CNTNAP4: variants seen among roughly 807,000 people sequenced by gnomAD.
CNTNAP4 encodes contactin associated protein family member 4, also known as contactin-associated protein-like 4.
In CNTNAP4, 98 loss-of-function variants were observed where a neutral mutation model predicts 148.4. The ratio of observed to expected loss-of-function variants is 0.66; its 90% CI spans 0.56 to 0.78. The LOEUF (loss-of-function observed/expected upper bound fraction) is 0.78, where lower values mean the gene tolerates loss of function less well. CNTNAP4 is among the 30% of genes least tolerant of loss of function. The pLI, the probability that CNTNAP4 is intolerant of heterozygous loss-of-function variation, is 0.00. For missense variants in CNTNAP4, 1,935 were observed against 1,565.6 expected (o/e 1.24, Z -3.98); for synonymous variants, 730 against 565.1 (o/e 1.29, Z -4.14).
intron 2 of CNTNAP4, among the ~76,000 whole-genome samples, chr16:76,344,973 T>C (rs1388876706): frequency 6.6e-6 from 1 of 152,210 alleles, no homozygotes; most frequent in Non-Finnish European, 1.5e-5. Flanking sequence ...TGGTTGGATC[T>C]CTGTGCCAAG....
chr16:76,369,058 AAG>A (rs1454015615), intron 3 of CNTNAP4, among the ~76,000 whole-genome samples: 24 of 151,868 alleles, frequency 1.6e-4, no homozygotes, highest in African/African-American at 5.3e-4. Flanking sequence ...TTAAAAAAAA[AAG>A]AGCCATTATA....
At chr16:76,435,236 T>G (rs2079776118) in intron 4 of CNTNAP4, among the ~76,000 whole-genome samples, 1 of 152,158 alleles carries the variant, frequency 6.6e-6, no homozygotes, top group African/African-American at 2.4e-5. Context: ...AAATGAGTCT[T>G]TTGTCAATTC....
At chr16:76,405,109 A>G (rs1297774064) in intron 3 of CNTNAP4, among the ~76,000 whole-genome samples, 2 of 152,222 alleles carry the variant, frequency 1.3e-5, no homozygotes, top group Non-Finnish European at 1.5e-5. Flanking sequence ...CTCTGAATAG[A>G]AAATGACACA....
At chr16:76,514,114 G>A (rs980965403) in intron 15 of CNTNAP4, among the ~76,000 whole-genome samples, 3 of 152,062 alleles carry the variant, frequency 2.0e-5, no homozygotes, top group African/African-American at 7.2e-5. Context: ...ATTCAGAATA[G>A]GTTACTTCAA....
intron 15 of CNTNAP4, among the ~76,000 whole-genome samples, chr16:76,510,125 A>G (rs1031201604): frequency 2.6e-5 from 4 of 151,544 alleles, no homozygotes; most frequent in African/African-American, 9.7e-5. Flanking sequence ...ACCTGCTCCC[A>G]TTTTCCAGAC....
intron 10 of CNTNAP4, among the ~76,000 whole-genome samples, chr16:76,472,115 C>T (rs140322679): frequency 1.3e-5 from 2 of 151,864 alleles, no homozygotes; most frequent in Non-Finnish European, 2.9e-5. Context: ...GAAAAGCTTT[C>T]GTGGCTAGAG....
chr16:76,397,789 G>T (rs955953760), intron 3 of CNTNAP4, among the ~76,000 whole-genome samples: 1 of 115,618 alleles, frequency 8.6e-6, no homozygotes, highest in African/African-American at 3.7e-5. Context: ...CTTTATGTGT[G>T]CATGTGTTTG....
chr16:76,453,182 G>A (rs960363324), intron 8 of CNTNAP4, among the ~76,000 whole-genome samples: 1 of 152,200 alleles, frequency 6.6e-6, no homozygotes, highest in Admixed American at 6.5e-5. Flanking sequence ...AAAAGGGAGA[G>A]GTCTTTCTGG....
chr16:76,285,741 T>C (rs2143778636), intron 1 of CNTNAP4, among the ~76,000 whole-genome samples: 1 of 152,222 alleles, frequency 6.6e-6, no homozygotes, highest in East Asian at 1.9e-4. Flanking sequence ...ATGGACTTAC[T>C]CTGCAATTAT....
At chr16:76,389,546 C>T (rs538261404) in intron 3 of CNTNAP4, among the ~76,000 whole-genome samples, 5 of 152,218 alleles carry the variant, frequency 3.3e-5, no homozygotes, top group South Asian at 2.1e-4. Context: ...ATCCTCATCC[C>T]GAGTTCAAGC....
At chr16:76,519,650 T>C (rs1242332676) in intron 15 of CNTNAP4, among the ~76,000 whole-genome samples, 1 of 152,218 alleles carries the variant, frequency 6.6e-6, no homozygotes, top group Non-Finnish European at 1.5e-5. Flanking sequence ...TTACATTTTC[T>C]TGCATTTATT....
chr16:76,362,504 A>T (rs758544084), intron 3 of CNTNAP4, among the ~76,000 whole-genome samples: 1 of 152,212 alleles, frequency 6.6e-6, no homozygotes, highest in Non-Finnish European at 1.5e-5. Context: ...GACATCACAC[A>T]TCTGATTTCA....
At chr16:76,395,074 C>T (rs189805076) in intron 3 of CNTNAP4, among the ~76,000 whole-genome samples, 173 of 152,274 alleles carry the variant, frequency 1.1e-3, no homozygotes, top group Middle Eastern at 3.4e-3. Context: ...CGGTTTACTT[C>T]TGATGGCAAA....
chr16:76,353,345 T>C (rs940188003), intron 2 of CNTNAP4, among the ~76,000 whole-genome samples: 2 of 152,236 alleles, frequency 1.3e-5, no homozygotes, highest in Admixed American at 1.3e-4. Context: ...TGTAATATAA[T>C]GTTTAAAAAG....
chr16:76,351,517 A>T (rs1419918904), intron 2 of CNTNAP4, among the ~76,000 whole-genome samples: 1 of 152,234 alleles, frequency 6.6e-6, no homozygotes, highest in African/African-American at 2.4e-5. Context: ...GTGCATCTGC[A>T]GAGCTGCGCA....
At chr16:76,380,500 C>T (rs1270443496) in intron 3 of CNTNAP4, among the ~76,000 whole-genome samples, 1 of 152,066 alleles carries the variant, frequency 6.6e-6, no homozygotes, top group African/African-American at 2.4e-5. Flanking sequence ...TTTTTGTATT[C>T]TCTATTTTTT....
At chr16:76,315,571 G>A (rs1255862117) in intron 1 of CNTNAP4, among the ~76,000 whole-genome samples, 3 of 152,098 alleles carry the variant, frequency 2.0e-5, no homozygotes, top group Admixed American at 6.6e-5. Flanking sequence ...ATATATTTGA[G>A]GATCAATTTA....
At position 76,429,300 on chromosome 16, in the gene CNTNAP4, G is replaced by A. The variant is rs376977359; in HGVS notation, c.538+1701G>A. Among the ~76,000 whole-genome samples, 66 of 152,234 alleles carry A rather than the reference G, an allele frequency of 4.3e-4. No individual in the cohort carries two copies. In the South Asian group the frequency reaches 6.8e-3, roughly 16 times the overall value. Reference sequence around the variant, plus strand: ...TTAGCAAAGCTCATGCCACATGATGGACAACTAGTAAAACCAATTTCAAAG... The same window carrying A: ...TTAGCAAAGCTCATGCCACATGATGAACAACTAGTAAAACCAATTTCAAAG... On this transcript the variant is annotated intron_variant, in intron 4 of 23. Coordinates refer to ENST00000611870, the MANE Select transcript of CNTNAP4 (RefSeq NM_033401.5).
chr16:76,337,268 C>A (rs986826491), intron 2 of CNTNAP4, among the ~76,000 whole-genome samples: 1 of 152,120 alleles, frequency 6.6e-6, no homozygotes, highest in Non-Finnish European at 1.5e-5. Context: ...ATCTGGTATT[C>A]GGGGAACCAG....
Sources: gnomAD v4.1 joint callset for allele counts (sites outside exome capture counted in the v4.1 genomes callset) on GRCh38, gnomAD v4.1.1 for gene constraint, MANE v1.5 for transcripts, NCBI Gene and HGNC (gene_info 2026-07-23, HGNC 2026-07-21) for gene names.